SCAPER: variants seen among roughly 807,000 people sequenced by gnomAD.
SCAPER encodes the protein S-phase cyclin A associated protein in the ER.
SCAPER carries 98 observed loss-of-function variants against 182.2 expected under a neutral mutation model. The observed-to-expected ratio is 0.54, with a 90% confidence interval of 0.46 to 0.64. SCAPER has a LOEUF of 0.64. Among genes scored for constraint, SCAPER ranks in the 30% least tolerant of loss-of-function variants. The probability of loss-of-function intolerance (pLI) is 0.00; values close to 1 mark genes in which losing one functional copy is unlikely to be tolerated. For missense variants in SCAPER, 1,432 were observed against 1,690.0 expected (o/e 0.85, Z 2.68); for synonymous variants, 605 against 564.6 (o/e 1.07, Z -1.01).
At chr15:76,686,761 T>A (rs577512970) in intron 20 of SCAPER, among the ~76,000 whole-genome samples, 11 of 152,178 alleles carry the variant, frequency 7.2e-5, no homozygotes, top group Admixed American at 3.3e-4. Flanking sequence ...ATATAAGCAT[T>A]ATAATACTGA....
chr15:76,806,247 T>C (rs780231691), intron 5 of SCAPER, among the ~76,000 whole-genome samples: 15 of 152,244 alleles, frequency 9.9e-5, no homozygotes, highest in Non-Finnish European at 1.9e-4. Context: ...CAAATTCATT[T>C]GTTGCACACA....
At position 76,370,597 on chromosome 15, in the gene SCAPER, G is replaced by A. The variant is rs186589774; in HGVS notation, c.3855+5565C>T. On this transcript the variant is annotated intron_variant, in intron 29 of 31. Coordinates refer to ENST00000563290, the MANE Select transcript of SCAPER (RefSeq NM_020843.4). ...TGGGATTATAGACTTGGGCCACCAC[G>A]CCTGGCCCCATTTCAACTATTTTTA... 2.6e-5 allele frequency among the ~76,000 whole-genome samples: 4 copies of A among 152,130 alleles called. No homozygotes were observed. In the South Asian group the frequency reaches 6.2e-4, roughly 24 times the overall value.
intron 17 of SCAPER, among the ~76,000 whole-genome samples, chr15:76,710,686 G>C (rs1363180815): frequency 1.3e-5 from 2 of 152,064 alleles, no homozygotes; most frequent in African/African-American, 4.8e-5. Flanking sequence ...ATATTGTAAA[G>C]ATGTCAATCT....
At chr15:76,700,329 C>T (rs2058870408) in intron 20 of SCAPER, among the ~76,000 whole-genome samples, 2 of 152,202 alleles carry the variant, frequency 1.3e-5, no homozygotes, top group Admixed American at 6.5e-5. Context: ...ACAAGCTGGA[C>T]TCCAGTCCCT....
intron 23 of SCAPER, among the ~76,000 whole-genome samples, chr15:76,543,650 C>T (rs1412408538): frequency 2.0e-5 from 3 of 152,128 alleles, no homozygotes; most frequent in Non-Finnish European, 4.4e-5. Flanking sequence ...CAAAATCTGG[C>T]ATGGATGCTT....
At chr15:76,757,340 T>C (rs930933213) in intron 14 of SCAPER, among the ~76,000 whole-genome samples, 2 of 152,096 alleles carry the variant, frequency 1.3e-5, no homozygotes, top group African/African-American at 2.4e-5. Flanking sequence ...AGTGAGATCA[T>C]GCAGCATTTC....
intron 25 of SCAPER, among the ~76,000 whole-genome samples, chr15:76,467,449 T>G (rs1201840111): frequency 2.0e-5 from 3 of 151,692 alleles, no homozygotes; most frequent in Non-Finnish European, 2.9e-5. Context: ...GTCTTTTTTT[T>G]TTTTTTTTAA....
rs2045368559 is a variant in SCAPER, at chr15:76,412,582, CCCT to C, written c.3312-7906_3312-7904del. Among the ~76,000 whole-genome samples, 8 of 152,142 alleles carry C rather than the reference CCCT, an allele frequency of 5.3e-5. No individual in the cohort carries two copies. In the South Asian group the frequency reaches 1.7e-3, roughly 32 times the overall value. ...GTATTTGTGTAGGTCTATTTCTGTGCCCTCAATTCCATTTTGACCTATTGATCA... is the reference window on the plus strand; with the variant it reads ...GTATTTGTGTAGGTCTATTTCTGTGCCAATTCCATTTTGACCTATTGATCA... On this transcript the variant is annotated intron_variant, in intron 26 of 31. Transcript: ENST00000563290.
intron 26 of SCAPER, among the ~76,000 whole-genome samples, chr15:76,425,896 TG>T (rs2046390905): frequency 6.6e-6 from 1 of 152,230 alleles, no homozygotes; most frequent in Non-Finnish European, 1.5e-5. Context: ...CCTGTTTGCC[TG>T]GGTATCAGCA....
chr15:76,904,094 G>C (rs1257696965), intron 1 of SCAPER, among the ~76,000 whole-genome samples: 1 of 152,106 alleles, frequency 6.6e-6, no homozygotes, highest in Non-Finnish European at 1.5e-5. Context: ...AAACTTTGAG[G>C]AAAAGTCATA....
intron 26 of SCAPER, among the ~76,000 whole-genome samples, chr15:76,408,952 T>C (rs2045069591): frequency 6.6e-6 from 1 of 152,144 alleles, no homozygotes; most frequent in African/African-American, 2.4e-5. Context: ...ATAAAAAGCA[T>C]TGTAAAGCCA....
At chr15:76,585,926 T>C (rs1353075357) in intron 22 of SCAPER, among the ~76,000 whole-genome samples, 1 of 152,192 alleles carries the variant, frequency 6.6e-6, no homozygotes, top group Non-Finnish European at 1.5e-5. Flanking sequence ...CAGAAAGTTT[T>C]ATTTGGATTC....
At chr15:76,541,963 T>G (rs1359499919) in intron 23 of SCAPER, among the ~76,000 whole-genome samples, 1 of 152,210 alleles carries the variant, frequency 6.6e-6, no homozygotes, top group South Asian at 2.1e-4. Flanking sequence ...CAGATCAGAA[T>G]ATAATTTCTA....
In SCAPER at chr15:76,800,438, G is replaced by A. The variant is rs1036398300; in HGVS notation, c.495-74C>T. 9.7e-6 allele frequency: 9 copies of A among 927,790 alleles called. No individual in the cohort carries two copies. In the South Asian group the frequency reaches 1.2e-4, roughly 12 times the overall value. 57.5% of individuals were successfully genotyped at this position (927,790 alleles called of 1,614,324 possible). On this transcript the variant is annotated intron_variant, in intron 6 of 31. Transcript: ENST00000563290. ...AAACAAATAATCTTTTCTCTTGGTT[G>A]TTAGTGGCTGAAAAAATAATCCTAC...
In SCAPER at chr15:76,854,239, A is replaced by G. The variant is rs2071088411; in HGVS notation, c.195+3570T>C. On this transcript the variant is annotated intron_variant, in intron 4 of 31. Transcript: ENST00000563290. ...AGCCGAGATCATGCCACTGCACTCC[A>G]TCCTGGCAATAGAGCAAGACTCCAT... 3.3e-5 allele frequency among the ~76,000 whole-genome samples: 5 copies of G among 152,240 alleles called. No homozygotes were observed. The South Asian group carries it at 1.0e-3, about 32-fold the overall frequency.
At chr15:76,727,254 T>C (rs773658289) in intron 17 of SCAPER, among the ~76,000 whole-genome samples, 6 of 152,062 alleles carry the variant, frequency 3.9e-5, no homozygotes, top group African/African-American at 4.8e-5. Flanking sequence ...TTTTTAAATA[T>C]AGAACTGAGC....
chr15:76,601,019 AC>A (rs1459761204), intron 22 of SCAPER, among the ~76,000 whole-genome samples: 2 of 122,098 alleles, frequency 1.6e-5, no homozygotes, highest in African/African-American at 5.0e-5. Flanking sequence ...AATACTAGCA[AC>A]AAAAACCGAA....
intron 17 of SCAPER, among the ~76,000 whole-genome samples, chr15:76,718,927 G>C (rs1309817177): frequency 6.6e-6 from 1 of 152,092 alleles, no homozygotes; most frequent in Non-Finnish European, 1.5e-5. Context: ...ATGGAGAAAA[G>C]GGAACTCTTT....
At chr15:76,575,636 T>C (rs1274953630) in intron 22 of SCAPER, among the ~76,000 whole-genome samples, 1 of 152,242 alleles carries the variant, frequency 6.6e-6, no homozygotes, top group Non-Finnish European at 1.5e-5. Flanking sequence ...CTTTCTGCAA[T>C]GTTCTTCATC....
Sources: gnomAD v4.1 joint callset for allele counts (sites outside exome capture counted in the v4.1 genomes callset) on GRCh38, gnomAD v4.1.1 for gene constraint, MANE v1.5 for transcripts, NCBI Gene and HGNC (gene_info 2026-07-23, HGNC 2026-07-21) for gene names.